DNAH1: variants seen among roughly 807,000 people sequenced by gnomAD.
DNAH1 encodes axonemal beta dynein heavy chain 1.
Under a neutral mutation model 484.3 loss-of-function variants are expected in DNAH1, and 327 were observed. That is an observed-to-expected ratio of 0.68 (90% CI 0.62 to 0.74). DNAH1 has a LOEUF of 0.74. DNAH1 is among the 30% of genes least tolerant of loss of function. DNAH1 has a pLI of 0.00. For synonymous variants in DNAH1, 2,192 were observed against 2,191.9 expected (o/e 1.00, Z 0.00); for missense variants, 5,052 against 5,546.8 (o/e 0.91, Z 2.83).
chr3:52,386,500 A>G (rs1704116570), intron 55 of DNAH1, among the ~76,000 whole-genome samples, 155 bp downstream of exon 55: 1 of 152,216 alleles, frequency 6.6e-6, no homozygotes, highest in South Asian at 2.1e-4. Context: ...GTTGGGGAAC[A>G]GAAGGAACTG....
At chr3:52,386,555 C>T (rs1704119272) in intron 55 of DNAH1, 107 bp from the exon 56 acceptor site, 1 of 1,330,992 alleles carries the variant, frequency 7.5e-7, no homozygotes, top group African/African-American at 1.5e-5. Flanking sequence ...TGCCCGTGTC[C>T]TGTGGTAGTA....
rs150299617 is a variant in DNAH1, at chr3:52,388,789, C to T, written c.9364-17C>T. The stretch of plus-strand genomic sequence containing the variant: ...GCCCAGCCTCCCAGAGCCCACCCCA[C>T]GGGGCTGCCCCTCCAGCTCATCAAC... On this transcript the variant is annotated splice_polypyrimidine_tract_variant and intron_variant, in intron 58 of 77. Coordinates refer to ENST00000420323, the MANE Select transcript of DNAH1 (RefSeq NM_015512.5). The T allele has an allele frequency of 1.2e-5, 19 of 1,612,600 alleles. No homozygotes were observed. The highest frequency in any genetic ancestry group is 2.7e-5 in the African/African-American group (2 of 75,062).
rs1485179330 is a variant in DNAH1, at chr3:52,392,860, A to G, written c.10309A>G (p.Lys3437Glu). 2 of 1,559,984 alleles carry G rather than the reference A, an allele frequency of 1.3e-6. No homozygotes were observed. The highest frequency in any genetic ancestry group is 1.1e-5 in the South Asian group (1 of 90,190). ...AGTCAGGATTGCAGAGCAGACGGAG[A>G]AGGACATCGACCTGACGCGCATGGA... is the stretch of plus-strand genomic sequence containing the variant. The part of the protein sequence containing the change: ...AKVRIAEQTE[K>E]DIDLTRMEYI... Residue 3437 changes from lysine to glutamate, a missense_variant, in exon 65 of 78, where the codon AAG becomes GAG. Coordinates refer to ENST00000420323, the MANE Select transcript of DNAH1 (RefSeq NM_015512.5).
chr3:52,373,023 C>T lies in DNAH1; in HGVS notation c.6955C>T (p.His2319Tyr). The T allele has an allele frequency of 1.2e-6, 2 of 1,613,256 alleles. No homozygotes were observed. The highest frequency in any genetic ancestry group is 2.2e-5 in the East Asian group (1 of 44,882). ...PIELLRQWMD[H>Y]GGWYDRKIIG... ...CGAGCTGTTGCGCCAGTGGATGGAC[C>T]ACGGCGGCTGGTACGACCGCAAGAT... The change falls in exon 44 of 78, where the codon CAC (histidine) becomes TAC (tyrosine). Residue 2319 changes from histidine to tyrosine, a missense_variant. His to Tyr is a moderately conservative substitution (Grantham distance 83). Transcript: ENST00000420323.
chr3:52,350,377 C>T (rs1174090593), intron 15 of DNAH1, 131 bp from the exon 16 acceptor site: 2 of 996,308 alleles, frequency 2.0e-6, no homozygotes, highest in South Asian at 3.0e-5. Context: ...TGGGCCTCCT[C>T]CCCTGGCCCA....
At chr3:52,386,059 C>T (rs1704090649) in intron 54 of DNAH1, 101 bp from the exon 55 acceptor site, 1 of 1,335,024 alleles carries the variant, frequency 7.5e-7, no homozygotes. Flanking sequence ...AGCTGGAGGG[C>T]CCTTGGAGAA....
rs748681966 is a variant in DNAH1, at chr3:52,358,563, A to G, written c.4092A>G (p.Leu1364=). The G allele has an allele frequency of 5.8e-5, 93 of 1,607,506 alleles. No individual in the cohort carries two copies. The South Asian group carries it at 8.0e-4, about 14-fold the overall frequency. Reference sequence around the variant, plus strand: ...TGCTCCTCCACTGCTTGCAGCTGCTATTCCAGGAGGACCTGGAGATCACGC... The same window carrying G: ...TGCTCCTCCACTGCTTGCAGCTGCTGTTCCAGGAGGACCTGGAGATCACGC... ...RKCFENIARL[L]FQEDLEITHM... Residue 1364 remains leucine, a synonymous_variant, in exon 25 of 78, where the codon CTA becomes CTG. Coordinates refer to ENST00000420323, the MANE Select transcript of DNAH1 (RefSeq NM_015512.5). This position sits in a 1 kb window ranked among gnomAD's most constrained non-coding sequence, Gnocchi z 4.2.
intron 73 of DNAH1, 65 bp downstream of exon 73, chr3:52,397,109 G>A (rs1704671492): frequency 5.0e-5 from 72 of 1,436,422 alleles, no homozygotes; most frequent in Non-Finnish European, 6.7e-5. Context: ...GGTACCATGA[G>A]CACCTTGGTG....
At position 52,396,952 on chromosome 3, in the gene DNAH1, G is replaced by A; in HGVS notation, c.11695G>A (p.Glu3899Lys). 1 of 1,613,456 alleles carries A rather than the reference G, an allele frequency of 6.2e-7. No individual in the cohort carries two copies. Among genetic ancestry groups the A allele is most frequent in the East Asian group, 2.2e-5 (1 of 44,860 alleles). ...CCGGCGCTGCATCATGAACATCTTG[G>A]AGGACTTCTACAACCCTGACGTGCT... ...WDRRCIMNIL[E>K]DFYNPDVLSP... is the part of the protein sequence containing the mutation. Residue 3899 changes from glutamate to lysine, a missense_variant, in exon 73 of 78, where the codon GAG becomes AAG. Glu to Lys is a moderately conservative substitution (Grantham distance 56, BLOSUM62 1). This residue lies in a region of DNAH1 where 853 missense variants were observed against 899.0 expected (regional missense o/e 0.95). Coordinates refer to ENST00000420323, the MANE Select transcript of DNAH1 (RefSeq NM_015512.5).
rs1702694394 is a variant in DNAH1, at chr3:52,358,076, T to C, written c.4086+73T>C. ...CCCAGGGAGAACGTCCCTCCCTTTG[T>C]GATGAGCCCTTTTAGCAGGAAATGT... On this transcript the variant is annotated intron_variant, in intron 24 of 77. Transcript: ENST00000420323. The surrounding 1 kb of genome is among the most constrained non-coding windows in gnomAD (Gnocchi z 4.2). 6 of 1,162,932 alleles carry C rather than the reference T, an allele frequency of 5.2e-6. No individual in the cohort carries two copies. In the East Asian group the frequency reaches 1.5e-4, roughly 29 times the overall value. 72.0% of individuals were successfully genotyped at this position (1,162,932 alleles called of 1,614,324 possible).
In DNAH1 at chr3:52,361,129, G is replaced by T; in HGVS notation, c.4686-35G>T. ...AGGAAAGGGGGAGTGTCCAGGCCAT[G>T]TGCGGCCCGAGCCCACCTCCTCTGT... On this transcript the variant is annotated intron_variant, in intron 28 of 77. Transcript: ENST00000420323. This position sits in a 1 kb window ranked among gnomAD's most constrained non-coding sequence, Gnocchi z 5.6. 6.7e-7 allele frequency: 1 copy of T among 1,497,586 alleles called. No homozygotes were observed. Among genetic ancestry groups the T allele is most frequent in the Non-Finnish European group, 8.9e-7 (1 of 1,124,440 alleles). The allele number at this position is 1,497,586 out of a possible 1,614,324, so 92.8% of individuals were successfully genotyped here.
In DNAH1 at chr3:52,388,787, C is replaced by A; in HGVS notation, c.9364-19C>A. 6.2e-7 allele frequency: 1 copy of A among 1,612,622 alleles called. No individual in the cohort carries two copies. The highest frequency in any genetic ancestry group is 8.5e-7 in the Non-Finnish European group (1 of 1,179,780). ...TAGCCCAGCCTCCCAGAGCCCACCC[C>A]ACGGGGCTGCCCCTCCAGCTCATCA... On this transcript the variant is annotated intron_variant, in intron 58 of 77. Coordinates refer to ENST00000420323, the MANE Select transcript of DNAH1 (RefSeq NM_015512.5).
Position 52,375,306 on chromosome 3 carries a change from A to G in DNAH1, c.7052A>G (p.Asn2351Ser). The stretch of plus-strand genomic sequence containing the variant: ...ATGGGCCCCCCGGGTGGAGGCAGGA[A>G]CACCGTCACCCCGCGGCTGATGCGT... ...CAMGPPGGGRNTVTPRLMRHF... is the reference protein window; with the variant it reads ...CAMGPPGGGRSTVTPRLMRHF... The change falls in exon 45 of 78, where the codon AAC (asparagine) becomes AGC (serine). Residue 2351 changes from asparagine to serine, a missense_variant. Around this residue, in one of 4 missense-constraint regions of DNAH1, gnomAD observed 2,929 missense variants for 3,409.4 expected, o/e 0.86. Coordinates refer to ENST00000420323, the MANE Select transcript of DNAH1 (RefSeq NM_015512.5). 1 of 1,612,824 alleles carries G rather than the reference A, an allele frequency of 6.2e-7. No homozygotes were observed. The highest frequency in any genetic ancestry group is 2.2e-5 in the East Asian group (1 of 44,872).
chr3:52,375,213 C>T, intron 44 of DNAH1, 27 bp from the exon 45 acceptor site: 1 of 1,579,148 alleles, frequency 6.3e-7, no homozygotes, highest in Non-Finnish European at 8.6e-7. Flanking sequence ...GGCCAGGGCC[C>T]TTCCTGACTT....
At chr3:52,372,167 G>T in intron 42 of DNAH1, 60 bp from the exon 43 acceptor site, 1 of 1,610,384 alleles carries the variant, frequency 6.2e-7, no homozygotes, top group East Asian at 2.2e-5. Context: ...TGGATGCAGG[G>T]GCAGCTCCTC....
intron 63 of DNAH1, 136 bp downstream of exon 63, chr3:52,391,739 T>G: frequency 9.5e-7 from 1 of 1,052,432 alleles, no homozygotes; most frequent in Non-Finnish European, 1.4e-6. Context: ...CCCCAGGCAC[T>G]CACATTCGAA....
chr3:52,370,049 T>A, intron 38 of DNAH1, 30 bp downstream of exon 38: 1 of 1,613,484 alleles, frequency 6.2e-7, no homozygotes, highest in Non-Finnish European at 8.5e-7. Context: ...TGTCTGACCC[T>A]GGCAGGGCAG....
chr3:52,360,350 G>A lies in DNAH1; in HGVS notation c.4611G>A (p.Val1537=). The A allele has an allele frequency of 1.6e-5, 26 of 1,614,026 alleles. No individual in the cohort carries two copies. The highest frequency in any genetic ancestry group is 2.2e-5 in the Non-Finnish European group (26 of 1,179,888). ...WTNNDLYIRA[V]NAEFIYGYEY... is the part of the protein sequence containing the mutation. ...ATAATGACCTGTATATCCGTGCTGTGAATGCTGAGTTCATCTATGGCTATG... is the reference window on the plus strand; with the variant it reads ...ATAATGACCTGTATATCCGTGCTGTAAATGCTGAGTTCATCTATGGCTATG... Residue 1537 remains valine, a synonymous_variant, in exon 28 of 78, where the codon GTG becomes GTA. Coordinates refer to ENST00000420323, the MANE Select transcript of DNAH1 (RefSeq NM_015512.5).
In DNAH1 at chr3:52,381,863, A is replaced by C; in HGVS notation, c.7805+27A>C. On this transcript the variant is annotated intron_variant, in intron 49 of 77. Transcript: ENST00000420323. This position sits in a 1 kb window ranked among gnomAD's most constrained non-coding sequence, Gnocchi z 4.1. Reference sequence around the variant, plus strand: ...TGAGCGCCTCCAGGGCGTGCTGGGCAGTGGGCGGCCAGGGCTGGCTGGTCG... The same window carrying C: ...TGAGCGCCTCCAGGGCGTGCTGGGCCGTGGGCGGCCAGGGCTGGCTGGTCG... The C allele has an allele frequency of 1.9e-6, 3 of 1,552,108 alleles. No homozygotes were observed. Among genetic ancestry groups the C allele is most frequent in the Non-Finnish European group, 2.6e-6 (3 of 1,147,174 alleles).
Sources: gnomAD v4.1 joint callset for allele counts (sites outside exome capture counted in the v4.1 genomes callset) on GRCh38, gnomAD v4.1.1 for gene constraint, gnomAD v4.1.1 regional missense constraint, Gnocchi (gnomAD v3.1) non-coding constraint, MANE v1.5 for transcripts, NCBI Gene and HGNC (gene_info 2026-07-23, HGNC 2026-07-21) for gene names.